MGAM2: variants seen among roughly 807,000 people sequenced by gnomAD.
The protein encoded by MGAM2 is maltase-glucoamylase 2 (putative), also known as probable maltase-glucoamylase 2.
MGAM2 carries 98 observed loss-of-function variants against 96.1 expected under a neutral mutation model. The observed-to-expected ratio is 1.02, with a 90% confidence interval of 0.87 to 1.21. The LOEUF is 1.21. Ranked by LOEUF, MGAM2 falls within the 50% of genes most tolerant of loss-of-function variation. The probability of loss-of-function intolerance (pLI) is 0.00; values close to 1 mark genes in which losing one functional copy is unlikely to be tolerated. For missense variants in MGAM2, 2,055 were observed against 1,182.4 expected (o/e 1.74, Z -10.82); for synonymous variants, 749 against 414.8 (o/e 1.81, Z -9.79).
chr7:142,132,930 G>A lies in MGAM2; in HGVS notation c.575+845G>A, dbSNP rs1299067025. 5.7e-4 allele frequency among the ~76,000 whole-genome samples: 72 copies of A among 125,584 alleles called. 1 individual carries two copies. Among genetic ancestry groups the A allele is most frequent in the African/African-American group, 1.8e-3 (58 of 31,868 alleles). The allele number at this position is 125,584 out of a possible 152,430, so 82.4% of individuals were successfully genotyped here. A position where few individuals can be genotyped will look rare whatever the true frequency, so the allele number is the denominator to read the frequency against. ...ATATACAAATATGTCATATTTATAC[G>A]TTAAATATATTTACATATTATATAT... is the stretch of plus-strand genomic sequence containing the variant. On this transcript the variant is annotated intron_variant, in intron 6 of 47. Coordinates refer to ENST00000477922, the MANE Select transcript of MGAM2 (RefSeq NM_001293626.2).
At chr7:142,144,709 A>G (rs1331169239) in intron 13 of MGAM2, among the ~76,000 whole-genome samples, 152 bp from the exon 14 acceptor site, 1 of 152,232 alleles carries the variant, frequency 6.6e-6, no homozygotes, top group Non-Finnish European at 1.5e-5. Flanking sequence ...AAGATGAAAC[A>G]GAGGGTAAGA....
chr7:142,189,330 C>A (rs1302760335), intron 36 of MGAM2, 37 bp from the exon 37 acceptor site: 1 of 637,244 alleles, frequency 1.6e-6, no homozygotes, highest in East Asian at 2.9e-5. Context: ...ATGTGCAAAT[C>A]ATGTTGTTTA....
chr7:142,131,208 C>T (rs1174319529), intron 4 of MGAM2, 137 bp downstream of exon 4: 3 of 617,408 alleles, frequency 4.9e-6, no homozygotes, highest in African/African-American at 1.8e-5. Context: ...GAGAGGCTGA[C>T]GTGGGTGGAT....
At chr7:142,143,012 T>A (rs1265555727) in intron 12 of MGAM2, among the ~76,000 whole-genome samples, 1 of 152,214 alleles carries the variant, frequency 6.6e-6, no homozygotes, top group South Asian at 2.1e-4. Context: ...AGCCAGGAGC[T>A]CAATCCATTT....
At chr7:142,183,929 C>T (rs1796614636) in intron 33 of MGAM2, among the ~76,000 whole-genome samples, 1 of 130,804 alleles carries the variant, frequency 7.6e-6, no homozygotes, top group African/African-American at 2.8e-5. Context: ...CTTCCTACTG[C>T]TCTGGATGTA....
intron 3 of MGAM2, among the ~76,000 whole-genome samples, chr7:142,122,568 C>T (rs942214853): frequency 2.6e-5 from 4 of 152,212 alleles, no homozygotes; most frequent in African/African-American, 4.8e-5. Flanking sequence ...TGATTTATCT[C>T]CACCTTAGTT....
chr7:142,208,711 CAT>C (rs775543160), intron 46 of MGAM2, 89 bp downstream of exon 46: 29 of 650,774 alleles, frequency 4.5e-5, no homozygotes, highest in Non-Finnish European at 7.7e-5. Context: ...TAATATCCCA[CAT>C]CTTAATAGGA....
In MGAM2 at chr7:142,130,870, A is replaced by C. The variant is rs1402421483; in HGVS notation, c.187-78A>C. The C allele has an allele frequency of 7.7e-6, 5 of 649,020 alleles. 1 individual carries two copies. The Admixed American group carries it at 1.1e-4, about 15-fold the overall frequency. 40.2% of individuals were successfully genotyped at this position (649,020 alleles called of 1,614,324 possible). A position where few individuals can be genotyped will look rare whatever the true frequency, so the allele number is the denominator to read the frequency against. On this transcript the variant is annotated intron_variant, in intron 3 of 47. Transcript: ENST00000477922. ...TATCTTAAATTCTCCTTGGAATAAA[A>C]TGGGTTATAAATAAATAGACAGATA...
At chr7:142,188,157 G>A (rs974115613) in intron 36 of MGAM2, among the ~76,000 whole-genome samples, 1 of 136,312 alleles carries the variant, frequency 7.3e-6, no homozygotes, top group Non-Finnish European at 1.6e-5. Flanking sequence ...CACACGTGGA[G>A]AGATGTTCTT....
At chr7:142,177,873 G>A (rs923535601) in intron 32 of MGAM2, among the ~76,000 whole-genome samples, 1 of 152,176 alleles carries the variant, frequency 6.6e-6, no homozygotes, top group East Asian at 1.9e-4. Flanking sequence ...ATTTTCCTTA[G>A]GGTATATACC....
intron 37 of MGAM2, among the ~76,000 whole-genome samples, chr7:142,194,894 A>G (rs1796983958): frequency 6.6e-6 from 1 of 152,282 alleles, no homozygotes; most frequent in South Asian, 2.1e-4. Context: ...CTTGGATTGT[A>G]TACATACTAG....
At chr7:142,191,590 ATC>A (rs144033762) in intron 37 of MGAM2, among the ~76,000 whole-genome samples, 2 of 151,786 alleles carry the variant, frequency 1.3e-5, no homozygotes, top group African/African-American at 4.8e-5. Context: ...TATTTCATTG[ATC>A]TCTCTCTCTC....
Position 142,172,612 on chromosome 7 carries a change from A to G in MGAM2, c.3449-40A>G, listed in dbSNP as rs970273035. 2.3e-5 allele frequency: 15 copies of G among 653,930 alleles called. 1 individual carries two copies. The highest frequency in any genetic ancestry group is 2.0e-4 in the Admixed American group (8 of 40,298). 40.5% of individuals were successfully genotyped at this position (653,930 alleles called of 1,614,324 possible). Reference sequence around the variant, plus strand: ...AGGTTTTCTATCTGGGCAATTTACAACTCCAAGGATGTGCCTCATGTGTGT... The same window carrying G: ...AGGTTTTCTATCTGGGCAATTTACAGCTCCAAGGATGTGCCTCATGTGTGT... On this transcript the variant is annotated intron_variant, in intron 29 of 47. Transcript: ENST00000477922.
rs142660713 is a variant in MGAM2 at position 142,186,585 on chromosome 7, A to T, written c.4122+462A>T. Among the ~76,000 whole-genome samples, 694 of 152,346 alleles carry T rather than the reference A, an allele frequency of 4.6e-3. 7 individuals carry two copies. Among genetic ancestry groups the T allele is most frequent in the African/African-American group, 0.016 (653 of 41,588 alleles). ...AAGGGCCTGTTCAGATGTTTGCTGT[A>T]AATGCCAGTTGGCCTTAAAAGCAGG... On this transcript the variant is annotated intron_variant, in intron 35 of 47. Transcript: ENST00000477922.
chr7:142,117,705 A>G (rs568673126), intron 2 of MGAM2, among the ~76,000 whole-genome samples: 60 of 152,252 alleles, frequency 3.9e-4, no homozygotes, highest in African/African-American at 1.3e-3. Flanking sequence ...CTTTCTAGGA[A>G]CTATTACAAC....
At position 142,220,214 on chromosome 7, in the gene MGAM2, C is replaced by A. The variant is rs1797879190; in HGVS notation, c.5703C>A (p.Thr1901=). The A allele has an allele frequency of 1.4e-6, 1 of 702,602 alleles. No homozygotes were observed. Among genetic ancestry groups the A allele is most frequent in the Non-Finnish European group, 2.6e-6 (1 of 384,874 alleles). 43.5% of individuals were successfully genotyped at this position (702,602 alleles called of 1,614,324 possible). A position where few individuals can be genotyped will look rare whatever the true frequency, so the allele number is the denominator to read the frequency against. The change falls in exon 48 of 48, where the codon ACC becomes ACA. Residue 1901 remains threonine (T), a synonymous_variant. Transcript: ENST00000477922. Reference sequence around the variant, plus strand: ...CTAATGCTACTGTTCCTATCACAACCACACCTTTCCCAACAAGTACTATTG... The same window carrying A: ...CTAATGCTACTGTTCCTATCACAACAACACCTTTCCCAACAAGTACTATTG... ...ASTNATVPIT[T]TPFPTSTIGV...
chr7:142,173,409 A>G (rs1322711827), intron 31 of MGAM2, 55 bp downstream of exon 31: 1 of 693,314 alleles, frequency 1.4e-6, no homozygotes, highest in African/African-American at 1.8e-5. Context: ...TTTGTGGCTA[A>G]TTTTATATTA....
chr7:142,166,161 C>A lies in MGAM2; in HGVS notation c.2716C>A (p.Leu906Ile). The A allele has an allele frequency of 1.4e-6, 1 of 702,592 alleles. No homozygotes were observed. Among genetic ancestry groups the A allele is most frequent in the Non-Finnish European group, 2.6e-6 (1 of 384,810 alleles). 43.5% of individuals were successfully genotyped at this position (702,592 alleles called of 1,614,324 possible). A position where few individuals can be genotyped will look rare whatever the true frequency, so the allele number is the denominator to read the frequency against. The change falls in exon 25 of 48, where the codon CTT becomes ATT. Residue 906 changes from leucine to isoleucine, a missense_variant. By Grantham distance (5) the Leu-to-Ile change is conservative. Transcript: ENST00000477922. ...ACAAGAATTCTCTATTAGGTGGAAT[C>A]TTCCTGTCAGTGACCTGGAGAAGTT... ...LGQEFSIRWN[L>I]PVSDLEKFNC...
At chr7:142,137,241 T>C (rs1364879538) in intron 8 of MGAM2, among the ~76,000 whole-genome samples, 192 bp from the exon 9 acceptor site, 1 of 151,866 alleles carries the variant, frequency 6.6e-6, no homozygotes, top group Non-Finnish European at 1.5e-5. Context: ...AAAACTCAAT[T>C]CTTCATTGGT....
Sources: allele counts gnomAD v4.1 joint callset (sites outside exome capture counted in the v4.1 genomes callset), GRCh38; gene constraint gnomAD v4.1.1; transcripts MANE v1.5; gene names NCBI Gene and HGNC (gene_info 2026-07-23, HGNC 2026-07-21).